NDRG3: variants seen among roughly 807,000 people sequenced by gnomAD.
The protein encoded by NDRG3 is NDRG family member 3.
A neutral mutation model predicts 57.2 loss-of-function variants in NDRG3; 23 were observed. That is an observed-to-expected ratio of 0.40 (90% confidence interval 0.29 to 0.57). The LOEUF (loss-of-function observed/expected upper bound fraction) is 0.57. Among genes scored for constraint, NDRG3 ranks in the 20% least tolerant of loss-of-function variants. The probability of loss-of-function intolerance (pLI) is 0.42; values close to 1 mark genes in which losing one functional copy is unlikely to be tolerated. For missense variants in NDRG3, 384 were observed against 457.3 expected, an observed-to-expected ratio of 0.84 and a Z score of 1.46; for synonymous variants, 132 against 162.6, an observed-to-expected ratio of 0.81 and a Z score of 1.43.
At chr20:36,732,583 T>C (rs1020352683) in intron 1 of NDRG3, among the ~76,000 whole-genome samples, 1 of 152,102 alleles carries the variant, frequency 6.6e-6, no homozygotes, top group Non-Finnish European at 1.5e-5. Context: ...CCTTTTTGAG[T>C]CCCTGACAGG....
chr20:36,715,426 A>G (rs1251448233), intron 2 of NDRG3, among the ~76,000 whole-genome samples: 6 of 151,830 alleles, frequency 4.0e-5, no homozygotes, highest in African/African-American at 1.5e-4. Context: ...TAGATGTAGC[A>G]CTTCATGAAT....
intron 8 of NDRG3, among the ~76,000 whole-genome samples, chr20:36,678,217 ATAGAC>A (rs1348348294): frequency 2.0e-5 from 3 of 152,338 alleles, no homozygotes; most frequent in South Asian, 2.1e-4. Flanking sequence ...AATGCAAACT[ATAGAC>A]TAGGAGAAGC....
intron 12 of NDRG3, 122 bp from the exon 13 acceptor site, chr20:36,660,506 C>A (rs1206626348): frequency 6.1e-6 from 3 of 491,992 alleles, no homozygotes; most frequent in Non-Finnish European, 1.1e-5. Context: ...CTGAGCCAGC[C>A]AAAGAGATTA....
chr20:36,738,654 C>T (rs987430206), intron 1 of NDRG3, among the ~76,000 whole-genome samples: 1 of 151,308 alleles, frequency 6.6e-6, no homozygotes, highest in Admixed American at 6.6e-5. Context: ...GAAACCCCAT[C>T]TCTACTAAAA....
intron 12 of NDRG3, among the ~76,000 whole-genome samples, chr20:36,661,032 T>G (rs895869174): frequency 1.3e-5 from 2 of 152,212 alleles, no homozygotes; most frequent in African/African-American, 4.8e-5. Flanking sequence ...CTTTGAGAAA[T>G]GGACTGGACC....
intron 2 of NDRG3, among the ~76,000 whole-genome samples, chr20:36,718,074 T>C (rs558385205): frequency 6.6e-6 from 1 of 152,332 alleles, no homozygotes; most frequent in South Asian, 2.1e-4. Flanking sequence ...TGGGAATACA[T>C]TTATCTGTGC....
At chr20:36,731,552 A>G (rs1285040562) in intron 1 of NDRG3, among the ~76,000 whole-genome samples, 1 of 152,184 alleles carries the variant, frequency 6.6e-6, no homozygotes, top group Admixed American at 6.5e-5. Flanking sequence ...TCACACCCGT[A>G]ATCCCAGCAC....
At chr20:36,713,496 G>C (rs1191415519) in intron 2 of NDRG3, among the ~76,000 whole-genome samples, 1 of 152,182 alleles carries the variant, frequency 6.6e-6, no homozygotes, top group African/African-American at 2.4e-5. Context: ...AGGGAGAAGA[G>C]AGATGTAGTT....
chr20:36,739,428 C>T (rs562420229), intron 1 of NDRG3, among the ~76,000 whole-genome samples: 15 of 143,134 alleles, frequency 1.0e-4, no homozygotes, highest in African/African-American at 3.1e-4. Context: ...GCTTGGGCAA[C>T]GGAGTGAGAC....
chr20:36,699,069 G>A (rs1040734054), intron 3 of NDRG3, among the ~76,000 whole-genome samples: 2 of 151,954 alleles, frequency 1.3e-5, no homozygotes, highest in African/African-American at 4.8e-5. Flanking sequence ...AGCCTCCCAA[G>A]TAGCTAGGAC....
At chr20:36,742,599 C>T (rs1451102352) in intron 1 of NDRG3, among the ~76,000 whole-genome samples, 1 of 152,162 alleles carries the variant, frequency 6.6e-6, no homozygotes. Flanking sequence ...CTCGATGCTC[C>T]ATTTCATCCT....
At chr20:36,684,990 C>A (rs770799519) in intron 5 of NDRG3, among the ~76,000 whole-genome samples, 1 of 152,122 alleles carries the variant, frequency 6.6e-6, no homozygotes, top group African/African-American at 2.4e-5. Flanking sequence ...AAATAATCCA[C>A]GGTTTCTATA....
chr20:36,694,817 G>C (rs1187707364), intron 3 of NDRG3, among the ~76,000 whole-genome samples: 1 of 151,924 alleles, frequency 6.6e-6, no homozygotes, highest in Non-Finnish European at 1.5e-5. Context: ...GAGTACAGTA[G>C]CGTGATCTCA....
intron 2 of NDRG3, among the ~76,000 whole-genome samples, chr20:36,713,772 G>A (rs2148183173): frequency 6.6e-6 from 1 of 152,292 alleles, no homozygotes; most frequent in Non-Finnish European, 1.5e-5. Flanking sequence ...TCTCAAAATA[G>A]AGATACTTGA....
At chr20:36,672,501 C>T (rs1980256861) in intron 8 of NDRG3, among the ~76,000 whole-genome samples, 1 of 152,180 alleles carries the variant, frequency 6.6e-6, no homozygotes, top group Non-Finnish European at 1.5e-5. Flanking sequence ...CTGAAATCTT[C>T]ACATAGGTTA....
intron 12 of NDRG3, among the ~76,000 whole-genome samples, chr20:36,663,732 C>T (rs1979391630): frequency 1.3e-5 from 2 of 152,222 alleles, no homozygotes; most frequent in African/African-American, 4.8e-5. Flanking sequence ...ATTAATTCCA[C>T]TTCTGGAAAT....
chr20:36,721,837 C>T lies in NDRG3; in HGVS notation c.-48-54G>A, dbSNP rs1984612646. 2.6e-5 allele frequency: 21 copies of T among 792,772 alleles called. No homozygotes were observed. In the South Asian group the frequency reaches 2.9e-4, roughly 11 times the overall value. The allele number at this position is 792,772 out of a possible 1,614,324, so 49.1% of individuals were successfully genotyped here. ...AAAGGCTTAAGCCAGAAGTTGGAAA[C>T]ATAATAGTCACAGTACACCCATTCA... On this transcript the variant is annotated intron_variant, in intron 1 of 15. Transcript: ENST00000349004.
At chr20:36,714,245 A>G (rs1984084967) in intron 2 of NDRG3, among the ~76,000 whole-genome samples, 1 of 151,486 alleles carries the variant, frequency 6.6e-6, no homozygotes, top group Non-Finnish European at 1.5e-5. Flanking sequence ...TCTCTACTAA[A>G]AATACAAAAA....
chr20:36,726,214 T>C (rs1984925292), intron 1 of NDRG3, among the ~76,000 whole-genome samples: 2 of 152,154 alleles, frequency 1.3e-5, no homozygotes, highest in South Asian at 2.1e-4. Context: ...TGAGCCACCA[T>C]ACCCATCCCT....
Sources: gnomAD v4.1 joint callset for allele counts (sites outside exome capture counted in the v4.1 genomes callset) on GRCh38, gnomAD v4.1.1 for gene constraint, MANE v1.5 for transcripts, NCBI Gene and HGNC (gene_info 2026-07-23, HGNC 2026-07-21) for gene names.